Variants in TTC13 observed in about 807,000 individuals in gnomAD.
TTC13 encodes tetratricopeptide repeat protein 13.
TTC13 carries 62 observed loss-of-function variants against 120.0 expected under a neutral mutation model. The ratio of observed to expected loss-of-function variants is 0.52; its 90% CI spans 0.42 to 0.64. The LOEUF is 0.64. TTC13 is among the 30% of genes least tolerant of loss of function. TTC13 has a pLI of 0.00. For missense variants in TTC13, 824 were observed against 1,050.2 expected, an observed-to-expected ratio of 0.78 and a Z score of 2.98; for synonymous variants, 384 against 393.5, an observed-to-expected ratio of 0.98 and a Z score of 0.28.
Position 230,916,191 on chromosome 1 carries a change from AC to A in TTC13, c.2093+1del. ...TACACCCACATTAAGAAGCGCACAT[AC>A]TTGTCTCCTGTAATCGTGATTGTGA... On this transcript the variant is annotated splice_donor_variant, in intron 18 of 22. Coordinates refer to ENST00000366661, the MANE Select transcript of TTC13 (RefSeq NM_024525.5). LOFTEE classifies it high-confidence loss of function. 1 of 1,607,412 alleles carries A rather than the reference AC, an allele frequency of 6.2e-7. No homozygotes were observed. Among genetic ancestry groups the A allele is most frequent in the Non-Finnish European group, 8.5e-7 (1 of 1,173,988 alleles).
At chr1:230,911,251 C>T (rs952954683) in intron 20 of TTC13, 4 of 341,612 alleles carry the variant, frequency 1.2e-5, no homozygotes, top group Non-Finnish European at 2.1e-5. Flanking sequence ...AATCCCTATC[C>T]TATTAAACGT....
In TTC13 at chr1:230,920,610, A is replaced by C; in HGVS notation, c.1899-16T>G. 6.8e-7 allele frequency: 1 copy of C among 1,471,996 alleles called. No individual in the cohort carries two copies. Among genetic ancestry groups the C allele is most frequent in the Non-Finnish European group, 9.2e-7 (1 of 1,090,434 alleles). 91.2% of individuals were successfully genotyped at this position (1,471,996 alleles called of 1,614,324 possible). A position where few individuals can be genotyped will look rare whatever the true frequency, so the allele number is the denominator to read the frequency against. On this transcript the variant is annotated splice_polypyrimidine_tract_variant and intron_variant, in intron 16 of 22. Coordinates refer to ENST00000366661, the MANE Select transcript of TTC13 (RefSeq NM_024525.5). ...ATTATTAGCTCTTAAAGAGAGACAG[A>C]GAGAGATGGCAACTGAGATTAATGC...
chr1:230,971,390 A>G lies in TTC13; in HGVS notation c.271+7170T>C, dbSNP rs556835543. Among the ~76,000 whole-genome samples the G allele has an allele frequency of 5.9e-5, 9 of 151,562 alleles. No individual in the cohort carries two copies. The South Asian group carries it at 1.5e-3, about 25-fold the overall frequency. On this transcript the variant is annotated intron_variant, in intron 1 of 22. Transcript: ENST00000366661. ...AAGACAACCACAGTTGACATCATAT[A>G]CTGCATTGCTCAATGGCCCCGAAAT...
chr1:230,956,535 T>C (rs1431058130), intron 3 of TTC13: 1 of 389,908 alleles, frequency 2.6e-6, no homozygotes, highest in Non-Finnish European at 4.9e-6. Context: ...TTATTTCCTA[T>C]TTATTATCCC....
chr1:230,908,615 T>C, intron 22 of TTC13, 97 bp downstream of exon 22: 1 of 878,036 alleles, frequency 1.1e-6, no homozygotes, highest in Non-Finnish European at 1.8e-6. Context: ...AAAATGAGTA[T>C]AACAGTTCCA....
intron 8 of TTC13, among the ~76,000 whole-genome samples, chr1:230,937,731 GATAAA>G (rs1209762066): frequency 6.6e-6 from 1 of 152,200 alleles, no homozygotes; most frequent in Non-Finnish European, 1.5e-5. Flanking sequence ...AATTTTCACA[GATAAA>G]ATAATCTATA....
chr1:230,978,687 G>A lies in TTC13; in HGVS notation c.144C>T (p.His48=). Residue 48 remains histidine, a synonymous_variant, in exon 1 of 23, where the codon CAC becomes CAT. Transcript: ENST00000366661. This position sits in a 1 kb window ranked among gnomAD's most constrained non-coding sequence, Gnocchi z 5.6. ...GLRPGALATE[H]YSPLSLLKQE... is the part of the protein sequence containing the mutation. ...GCTTGAGCAGGGAGAGCGGCGAGTA[G>A]TGCTCGGTGGCCAGGGCGCCTGGCC... The A allele has an allele frequency of 6.7e-7, 1 of 1,494,816 alleles. No homozygotes were observed. The highest frequency in any genetic ancestry group is 8.8e-7 in the Non-Finnish European group (1 of 1,130,546). 92.6% of individuals were successfully genotyped at this position (1,494,816 alleles called of 1,614,324 possible). A position where few individuals can be genotyped will look rare whatever the true frequency, so the allele number is the denominator to read the frequency against.
rs1674438592 is a variant in TTC13 at position 230,940,524 on chromosome 1, T to G, written c.705A>C (p.Ala235=). 6.2e-7 allele frequency: 1 copy of G among 1,613,380 alleles called. No homozygotes were observed. Among genetic ancestry groups the G allele is most frequent in the Non-Finnish European group, 8.5e-7 (1 of 1,179,718 alleles). ...ILSPLGRINE[A]VNDLTKAIQL... ...GGATAGCTTTAGTGAGGTCATTCAC[T>G]GCTTCATTAATTCGTCCCAGAGGGG... is the stretch of plus-strand genomic sequence containing the variant. The change falls in exon 7 of 23, where the codon GCA becomes GCC. Residue 235 remains alanine (A), a synonymous_variant. Transcript: ENST00000366661. The surrounding 1 kb of genome is among the most constrained non-coding windows in gnomAD (Gnocchi z 4.1).
At chr1:230,908,452 A>C (rs1258806314) in intron 22 of TTC13, 1 of 522,304 alleles carries the variant, frequency 1.9e-6, no homozygotes, top group Non-Finnish European at 3.6e-6. Context: ...AGCCTCCCAA[A>C]GTGCTGGGAT....
chr1:230,926,540 A>C (rs2102815029), intron 12 of TTC13, among the ~76,000 whole-genome samples: 1 of 152,204 alleles, frequency 6.6e-6, no homozygotes, highest in Non-Finnish European at 1.5e-5. Flanking sequence ...GGCACAGGGA[A>C]CCTCTCCTAT....
In TTC13 at chr1:230,958,262, G is replaced by A. The variant is rs374532640; in HGVS notation, c.404C>T (p.Pro135Leu). The part of the protein sequence containing the change: ...AKSIAEQKRF[P>L]FATDNDSTNE... Reference sequence around the variant, plus strand: ...TGTGCTGTCATTATCAGTGGCAAACGGGAATCTCTTCTGTTCTGCAATAGA... The same window carrying A: ...TGTGCTGTCATTATCAGTGGCAAACAGGAATCTCTTCTGTTCTGCAATAGA... The change falls in exon 3 of 23, where the codon CCG (proline) becomes CTG (leucine). Residue 135 changes from proline to leucine, a missense_variant. This residue lies in a region of TTC13 where 430 missense variants were observed against 626.8 expected (regional missense o/e 0.69). Coordinates refer to ENST00000366661, the MANE Select transcript of TTC13 (RefSeq NM_024525.5). The A allele has an allele frequency of 5.6e-6, 9 of 1,611,806 alleles. No individual in the cohort carries two copies. The highest frequency in any genetic ancestry group is 2.2e-5 in the South Asian group (2 of 90,944).
intron 3 of TTC13, chr1:230,956,577 T>C (rs772496383): frequency 2.5e-6 from 1 of 399,638 alleles, no homozygotes; most frequent in Non-Finnish European, 4.8e-6. Context: ...AATGAACAAA[T>C]CAATCAATGA....
In TTC13 at chr1:230,931,843, A is replaced by C. The variant is rs776963548; in HGVS notation, c.1018T>G (p.Phe340Val). ...LGNFEAATES[F>V]QKALLLNQNH... is the part of the protein sequence containing the mutation. Reference sequence around the variant, plus strand: ...TGGTTGAGCAACAGTGCCTTTTGAAAGCTCTCAGTGGCTGCTTCAAAATTG... The same window carrying C: ...TGGTTGAGCAACAGTGCCTTTTGAACGCTCTCAGTGGCTGCTTCAAAATTG... Residue 340 changes from phenylalanine to valine, a missense_variant, in exon 10 of 23, where the codon TTT becomes GTT. Phe to Val is a conservative substitution (Grantham distance 50, BLOSUM62 -1). This residue lies in a region of TTC13 where 430 missense variants were observed against 626.8 expected (regional missense o/e 0.69). Coordinates refer to ENST00000366661, the MANE Select transcript of TTC13 (RefSeq NM_024525.5). 3 of 1,614,176 alleles carry C rather than the reference A, an allele frequency of 1.9e-6. No homozygotes were observed. Among genetic ancestry groups the C allele is most frequent in the Admixed American group, 1.7e-5 (1 of 60,016 alleles).
At position 230,916,184 on chromosome 1, in the gene TTC13, C is replaced by A; in HGVS notation, c.2093+9G>T. ...TCTAGTTTACACCCACATTAAGAAG[C>A]GCACATACTTGTCTCCTGTAATCGT... On this transcript the variant is annotated intron_variant, in intron 18 of 22. Coordinates refer to ENST00000366661, the MANE Select transcript of TTC13 (RefSeq NM_024525.5). 1.3e-6 allele frequency: 2 copies of A among 1,589,698 alleles called. No homozygotes were observed. The highest frequency in any genetic ancestry group is 1.7e-6 in the Non-Finnish European group (2 of 1,157,842).
chr1:230,912,748 T>C lies in TTC13; in HGVS notation c.2104A>G (p.Ile702Val). The change falls in exon 19 of 23, where the codon ATA (isoleucine) becomes GTA (valine). Residue 702 changes from isoleucine (I) to valine (V), a missense_variant. This residue lies in a region of TTC13 where 226 missense variants were observed against 259.1 expected (regional missense o/e 0.87). Coordinates refer to ENST00000366661, the MANE Select transcript of TTC13 (RefSeq NM_024525.5). ...GTTTGAGTTTCCACAGAAAATAATA[T>C]ATTGCCAACTCTGAAAATACAAAAA... The part of the protein sequence containing the change: ...ITITGDKVGN[I>V]LFSVETQTTE... 1.2e-6 allele frequency: 2 copies of C among 1,608,778 alleles called. No homozygotes were observed. Among genetic ancestry groups the C allele is most frequent in the Non-Finnish European group, 1.7e-6 (2 of 1,178,620 alleles).
chr1:230,976,263 G>A (rs781751389), intron 1 of TTC13, among the ~76,000 whole-genome samples: 1 of 152,140 alleles, frequency 6.6e-6, no homozygotes, highest in Non-Finnish European at 1.5e-5. Flanking sequence ...CCCTAATGTT[G>A]CTCAAATGGG....
intron 1 of TTC13, among the ~76,000 whole-genome samples, chr1:230,965,871 G>A (rs1161478040): frequency 6.6e-6 from 1 of 152,028 alleles, no homozygotes; most frequent in Non-Finnish European, 1.5e-5. Context: ...GAATGGTCTC[G>A]AACACCTGGG....
intron 1 of TTC13, among the ~76,000 whole-genome samples, chr1:230,968,536 A>C (rs1022031136): frequency 6.6e-6 from 1 of 152,154 alleles, no homozygotes; most frequent in African/African-American, 2.4e-5. Flanking sequence ...CGACATCACT[A>C]ACAGGTGTCT....
chr1:230,947,410 C>T (rs964349181), intron 4 of TTC13, among the ~76,000 whole-genome samples: 22 of 152,136 alleles, frequency 1.4e-4, no homozygotes, highest in African/African-American at 5.3e-4. Flanking sequence ...GAACCGAACC[C>T]TGGCCAGGCT....
Sources: gnomAD v4.1 joint callset for allele counts (sites outside exome capture counted in the v4.1 genomes callset) on GRCh38, gnomAD v4.1.1 for gene constraint, gnomAD v4.1.1 regional missense constraint, Gnocchi (gnomAD v3.1) non-coding constraint, MANE v1.5 for transcripts, NCBI Gene and HGNC (gene_info 2026-07-23, HGNC 2026-07-21) for gene names.